PSMD4: variants seen among roughly 807,000 people sequenced by gnomAD.
PSMD4 encodes the protein 26S proteasome non-ATPase regulatory subunit 4.
Under a neutral mutation model 39.7 loss-of-function variants are expected in PSMD4, and 5 were observed. The observed-to-expected ratio is 0.13, with a 90% CI of 0.07 to 0.26. The LOEUF is 0.26. Ranked by LOEUF, PSMD4 falls within the 10% of genes least tolerant of loss-of-function variation. The pLI, the probability that PSMD4 is intolerant of heterozygous loss-of-function variation, is 1.00. For missense variants in PSMD4, 272 were observed against 486.1 expected (o/e 0.56, Z 4.14); for synonymous variants, 143 against 174.6 (o/e 0.82, Z 1.43).
At chr1:151,256,751 T>C (rs1408802255) in intron 1 of PSMD4, among the ~76,000 whole-genome samples, 1 of 150,162 alleles carries the variant, frequency 6.7e-6, no homozygotes, top group Non-Finnish European at 1.5e-5. Context: ...TTGCCCACTT[T>C]TTTTTTTTTT....
intron 6 of PSMD4, 120 bp downstream of exon 6, chr1:151,265,729 C>G: frequency 8.7e-7 from 1 of 1,155,562 alleles, no homozygotes; most frequent in Admixed American, 2.4e-5. Context: ...ACTCATTTTC[C>G]AAGACCTCCT....
chr1:151,265,201 A>T lies in PSMD4; in HGVS notation c.405A>T (p.Lys135Asn). The change falls in exon 5 of 10, where the codon AAA becomes AAT. Residue 135 changes from lysine (K) to asparagine (N), a missense_variant. Around this residue, in one of 3 missense-constraint regions of PSMD4, gnomAD observed 153 missense variants for 257.6 expected, o/e 0.59. Transcript: ENST00000368884. ...VKLAKRLKKE[K>N]VNVDIINFGE... ...TGGCTAAACGCCTCAAGAAGGAGAA[A>T]GTAAATGTTGACATTATCAATTTTG... is the stretch of plus-strand genomic sequence containing the variant. 6.2e-7 allele frequency: 1 copy of T among 1,613,610 alleles called. No individual in the cohort carries two copies. The highest frequency in any genetic ancestry group is 8.5e-7 in the Non-Finnish European group (1 of 1,179,866).
At chr1:151,263,261 C>G (rs986332996) in intron 2 of PSMD4, among the ~76,000 whole-genome samples, 1 of 151,428 alleles carries the variant, frequency 6.6e-6, no homozygotes, top group African/African-American at 2.4e-5. Context: ...GTCAGGATTT[C>G]GAGACCAGCC....
chr1:151,261,180 CT>C lies in PSMD4; in HGVS notation c.27-962del, dbSNP rs587653164. Among the ~76,000 whole-genome samples, 760 of 120,008 alleles carry C rather than the reference CT, an allele frequency of 6.3e-3. 2 individuals carry two copies. The highest frequency in any genetic ancestry group is 0.015 in the African/African-American group (472 of 31,940). 78.7% of individuals were successfully genotyped at this position (120,008 alleles called of 152,430 possible). A position where few individuals can be genotyped will look rare whatever the true frequency, so the allele number is the denominator to read the frequency against. On this transcript the variant is annotated intron_variant, in intron 1 of 9. Transcript: ENST00000368884. Reference sequence around the variant, plus strand: ...TTTTATAGATTTTTTTTTTCTTTTTCTTTTTTTTTTTTTTTTTTTGAGACGA... The same window carrying C: ...TTTTATAGATTTTTTTTTTCTTTTTCTTTTTTTTTTTTTTTTTTGAGACGA...
rs927918495 is a variant in PSMD4 at position 151,264,113 on chromosome 1, AGC to A, written c.282+86_282+87del. ...TACTCATTTCTCCCCTGGAATCCTG[AGC>A]TAGGACCAGAGCAAGAGAAAGCTAA... On this transcript the variant is annotated intron_variant, in intron 3 of 9. Transcript: ENST00000368884. 25 of 1,058,262 alleles carry A rather than the reference AGC, an allele frequency of 2.4e-5. No individual in the cohort carries two copies. In the East Asian group the frequency reaches 6.1e-4, roughly 26 times the overall value. The allele number at this position is 1,058,262 out of a possible 1,614,324, so 65.6% of individuals were successfully genotyped here. A position where few individuals can be genotyped will look rare whatever the true frequency, so the allele number is the denominator to read the frequency against.
At chr1:151,256,343 CA>C (rs57889256) in intron 1 of PSMD4, among the ~76,000 whole-genome samples, 554 of 49,206 alleles carry the variant, frequency 0.011, 12 homozygotes, top group African/African-American at 0.034. Flanking sequence ...GACTCCCTCT[CA>C]AAAAAAAAAA....
Position 151,262,176 on chromosome 1 carries a change from G to C in PSMD4, c.42G>C (p.Glu14Asp). ...ESTMVCVDNS[E>D]YMRNGDFLPT... ...AATCTGACAGTGTGGACAACAGTGA[G>C]TATATGCGGAATGGAGACTTCTTAC... Residue 14 changes from glutamate (E) to aspartate (D), a missense_variant, in exon 2 of 10, where the codon GAG becomes GAC. Coordinates refer to ENST00000368884, the MANE Select transcript of PSMD4 (RefSeq NM_002810.4). The C allele has an allele frequency of 6.2e-7, 1 of 1,614,154 alleles. No individual in the cohort carries two copies. The highest frequency in any genetic ancestry group is 8.5e-7 in the Non-Finnish European group (1 of 1,180,028).
At position 151,265,399 on chromosome 1, in the gene PSMD4, G is replaced by A. The variant is rs771631118; in HGVS notation, c.444G>A (p.Val148=). Residue 148 remains valine (V), a synonymous_variant, in exon 6 of 10, where the codon GTG becomes GTA. Coordinates refer to ENST00000368884, the MANE Select transcript of PSMD4 (RefSeq NM_002810.4). ...ATGTGTTCTTTCCTCCCCAGGAGGT[G>A]AACACAGAAAAGCTGACAGCCTTTG... ...VDIINFGEEE[V]NTEKLTAFVN... is the part of the protein sequence containing the mutation. 7 of 1,614,178 alleles carry A rather than the reference G, an allele frequency of 4.3e-6. No homozygotes were observed. The East Asian group carries it at 1.3e-4, about 31-fold the overall frequency.
intron 5 of PSMD4, 47 bp from the exon 6 acceptor site, chr1:151,265,346 CA>C (rs1451061684): frequency 3.1e-6 from 5 of 1,604,184 alleles, no homozygotes; most frequent in Middle Eastern, 1.6e-4. Flanking sequence ...TGGGAAAGAA[CA>C]GGGAGCAAGG....
In PSMD4 at chr1:151,263,948, A is replaced by G; in HGVS notation, c.202A>G (p.Thr68Ala). ...AGTGCTGACCACACTCACCCCAGAC[A>G]CTGGCCGTATCCTGTCCAAGCTACA... ...CEVLTTLTPD[T>A]GRILSKLHTV... The change falls in exon 3 of 10, where the codon ACT (threonine) becomes GCT (alanine). Residue 68 changes from threonine (T) to alanine (A), a missense_variant. Transcript: ENST00000368884. 1 of 1,598,848 alleles carries G rather than the reference A, an allele frequency of 6.3e-7. No homozygotes were observed. The highest frequency in any genetic ancestry group is 8.5e-7 in the Non-Finnish European group (1 of 1,172,886).
chr1:151,265,113 T>C (rs1693398628), intron 4 of PSMD4, 53 bp from the exon 5 acceptor site: 2 of 1,487,962 alleles, frequency 1.3e-6, no homozygotes, highest in Non-Finnish European at 1.8e-6. Flanking sequence ...GCGGGTCCTT[T>C]CCCCCCCTCG....
intron 7 of PSMD4, 48 bp from the exon 8 acceptor site, chr1:151,266,260 T>G (rs1053026022): frequency 6.2e-7 from 1 of 1,612,612 alleles, no homozygotes; most frequent in Non-Finnish European, 8.5e-7. Context: ...GGCTGGCCTG[T>G]GTGGATATGG....
intron 1 of PSMD4, among the ~76,000 whole-genome samples, chr1:151,258,866 G>T (rs955967454): frequency 6.6e-6 from 1 of 152,056 alleles, no homozygotes; most frequent in African/African-American, 2.4e-5. Flanking sequence ...AGTGAGCTAT[G>T]ATTTCACCAC....
intron 1 of PSMD4, among the ~76,000 whole-genome samples, chr1:151,260,322 T>A (rs1235203048): frequency 6.6e-6 from 1 of 152,190 alleles, no homozygotes; most frequent in Non-Finnish European, 1.5e-5. Flanking sequence ...GAATTGATCC[T>A]TACAGGAGCT....
intron 2 of PSMD4, chr1:151,262,958 T>G (rs1295160967): frequency 6.5e-6 from 1 of 152,756 alleles, no homozygotes; most frequent in Non-Finnish European, 1.5e-5. Context: ...CCCACTCCAG[T>G]GTACATACTG....
In PSMD4 at chr1:151,265,420, C is replaced by T. The variant is rs769012730; in HGVS notation, c.465C>T (p.Ala155=). The T allele has an allele frequency of 5.0e-5, 80 of 1,614,180 alleles. No homozygotes were observed. The highest frequency in any genetic ancestry group is 6.6e-5 in the Non-Finnish European group (78 of 1,180,030). ...AGGTGAACACAGAAAAGCTGACAGC[C>T]TTTGTAAACACGTTGAATGGCAAAG... ...EEEVNTEKLT[A]FVNTLNGKDG... The change falls in exon 6 of 10, where the codon GCC becomes GCT. Residue 155 remains alanine, a synonymous_variant. Transcript: ENST00000368884.
rs1693125481 is a variant in PSMD4 at position 151,254,817 on chromosome 1, C to T, written c.26+9C>T. 1 of 1,520,806 alleles carries T rather than the reference C, an allele frequency of 6.6e-7. No homozygotes were observed. Among genetic ancestry groups the T allele is most frequent in the Non-Finnish European group, 8.8e-7 (1 of 1,140,986 alleles). The allele number at this position is 1,520,806 out of a possible 1,614,324, so 94.2% of individuals were successfully genotyped here. On this transcript the variant is annotated intron_variant, in intron 1 of 9. Coordinates refer to ENST00000368884, the MANE Select transcript of PSMD4 (RefSeq NM_002810.4). Reference sequence around the variant, plus strand: ...GAAAGCACTATGGTGTGGTGAGGAGCTACTTCGGGGCAGGAGGGGCAGAGC... The same window carrying T: ...GAAAGCACTATGGTGTGGTGAGGAGTTACTTCGGGGCAGGAGGGGCAGAGC...
rs377289906 is a variant in PSMD4, at chr1:151,267,170, C to T, written c.964-3C>T. ...CCCTTGAGCTCACACTGCCTGTTTG[C>T]AGGAGGAGGATGATTACGACGTGAT... On this transcript the variant is annotated splice_region_variant and splice_polypyrimidine_tract_variant and intron_variant, in intron 9 of 9. Transcript: ENST00000368884. The T allele has an allele frequency of 1.9e-6, 3 of 1,613,720 alleles. No homozygotes were observed. In the African/African-American group the frequency reaches 4.0e-5, roughly 22 times the overall value.
chr1:151,257,129 A>T (rs910250451), intron 1 of PSMD4, among the ~76,000 whole-genome samples: 5 of 152,230 alleles, frequency 3.3e-5, no homozygotes, highest in Admixed American at 6.5e-5. Context: ...TGGTATAAGA[A>T]AGGAGTCCAG....
Sources: gnomAD v4.1 joint callset for allele counts (sites outside exome capture counted in the v4.1 genomes callset) on GRCh38, gnomAD v4.1.1 for gene constraint, gnomAD v4.1.1 regional missense constraint, MANE v1.5 for transcripts, NCBI Gene and HGNC (gene_info 2026-07-23, HGNC 2026-07-21) for gene names.